FLYWCH1: variants seen among roughly 807,000 people sequenced by gnomAD.
FLYWCH1 encodes the protein FLYWCH-type zinc finger 1.
A neutral mutation model predicts 66.4 loss-of-function variants in FLYWCH1; 75 were observed. The observed-to-expected ratio is 1.13, with a 90% CI of 0.94 to 1.37. FLYWCH1 has a LOEUF of 1.37. Ranked by LOEUF, FLYWCH1 falls within the 40% of genes most tolerant of loss-of-function variation. The pLI, the probability that FLYWCH1 is intolerant of heterozygous loss-of-function variation, is 0.00. For missense variants in FLYWCH1, 1,334 were observed against 1,001.8 expected (o/e 1.33, Z -4.48); for synonymous variants, 595 against 429.9 (o/e 1.38, Z -4.75).
chr16:2,949,316 G>GCTC lies in FLYWCH1; in HGVS notation c.*591_*593dup. On this transcript the variant is annotated 3_prime_UTR_variant, in exon 10 of 10. Coordinates refer to ENST00000253928, the MANE Select transcript of FLYWCH1 (RefSeq NM_001308068.2). ...CGGAGCTGGCCAAACCAGAGGCCTCGCTCCGCACTCCACACTTTCCTTTCT... is the reference window on the plus strand; with the variant it reads ...CGGAGCTGGCCAAACCAGAGGCCTCGCTCCTCCGCACTCCACACTTTCCTTTCT... 1 of 153,102 alleles carries GCTC rather than the reference G, an allele frequency of 6.5e-6. No individual in the cohort carries two copies. The highest frequency in any genetic ancestry group is 1.9e-4 in the East Asian group (1 of 5,186). The allele number at this position is 153,102 out of a possible 1,614,324, so 9.5% of individuals were successfully genotyped here. A position where few individuals can be genotyped will look rare whatever the true frequency, so the allele number is the denominator to read the frequency against.
At position 2,929,905 on chromosome 16, in the gene FLYWCH1, G is replaced by A. The variant is rs376062192; in HGVS notation, c.220G>A (p.Ala74Thr). The change falls in exon 3 of 10, where the codon GCC becomes ACC. Residue 74 changes from alanine to threonine, a missense_variant. Coordinates refer to ENST00000253928, the MANE Select transcript of FLYWCH1 (RefSeq NM_001308068.2). ...CVLSLEMAGPATLASTLQILP... is the reference protein window; with the variant it reads ...CVLSLEMAGPTTLASTLQILP... The stretch of plus-strand genomic sequence containing the variant: ...CCTGTCCCTGGAGATGGCTGGCCCC[G>A]CCACCCTCGCCAGCACCTTGCAGAT... 4.9e-5 allele frequency: 79 copies of A among 1,613,638 alleles called. No individual in the cohort carries two copies. Among genetic ancestry groups the A allele is most frequent in the African/African-American group, 2.8e-4 (21 of 75,022 alleles).
At chr16:2,924,409 C>T (rs1014696035) in intron 2 of FLYWCH1, among the ~76,000 whole-genome samples, 2 of 152,016 alleles carry the variant, frequency 1.3e-5, no homozygotes, top group African/African-American at 4.8e-5. Context: ...GTGTAGCATA[C>T]GACCCATGAT....
intron 2 of FLYWCH1, among the ~76,000 whole-genome samples, chr16:2,914,927 A>AG (rs1203350081): frequency 2.1e-5 from 3 of 145,858 alleles, no homozygotes; most frequent in African/African-American, 7.6e-5. Context: ...AAAAAAAAAA[A>AG]GAAATTTGTA....
intron 9 of FLYWCH1, among the ~76,000 whole-genome samples, chr16:2,940,689 G>T (rs543072795): frequency 6.6e-6 from 1 of 152,078 alleles, no homozygotes; most frequent in Non-Finnish European, 1.5e-5. Context: ...CTCCTGTCTC[G>T]GGTCTCCCGA....
intron 4 of FLYWCH1, among the ~76,000 whole-genome samples, 157 bp downstream of exon 4, chr16:2,931,037 G>A (rs1012283789): frequency 2.0e-5 from 3 of 152,116 alleles, no homozygotes; most frequent in Admixed American, 6.5e-5. Context: ...GGGCACAGTG[G>A]CTCACGCCTA....
At chr16:2,927,655 A>T (rs79087063) in intron 2 of FLYWCH1, among the ~76,000 whole-genome samples, 1 of 152,266 alleles carries the variant, frequency 6.6e-6, no homozygotes. Context: ...CGTCTAAAAA[A>T]GAATTCCCCG....
rs2151041230 is a variant in FLYWCH1 at position 2,949,524 on chromosome 16, G to A, written c.*797G>A. The stretch of plus-strand genomic sequence containing the variant: ...GGGCAGCAAAGGCGTGTCCCCTTCT[G>A]TCAGACAGCTTCACAGAGTGTGGCT... On this transcript the variant is annotated 3_prime_UTR_variant, in exon 10 of 10. Transcript: ENST00000253928. The A allele has an allele frequency of 6.6e-6, 1 of 152,390 alleles. No individual in the cohort carries two copies. The highest frequency in any genetic ancestry group is 1.9e-4 in the East Asian group (1 of 5,174). The allele number at this position is 152,390 out of a possible 1,614,324, so 9.4% of individuals were successfully genotyped here.
Position 2,930,567 on chromosome 16 carries a change from C to A in FLYWCH1, c.483C>A (p.Thr161=), listed in dbSNP as rs1024279233. 1.9e-6 allele frequency: 3 copies of A among 1,556,304 alleles called. No individual in the cohort carries two copies. The Admixed American group carries it at 6.1e-5, about 31-fold the overall frequency. The change falls in exon 4 of 10, where the codon ACC becomes ACA. Residue 161 remains threonine, a synonymous_variant. Transcript: ENST00000253928. The stretch of plus-strand genomic sequence containing the variant: ...TGGGCTGCCGGGGCCGGGCCATCAC[C>A]CGAGGCCTGCGGGCCACAGTGATGC... ...AELGCRGRAI[T]RGLRATVMRG...
rs2070849153 is a variant in FLYWCH1 at position 2,933,388 on chromosome 16, A to C, written c.1055A>C (p.Gln352Pro). Residue 352 changes from glutamine (Q) to proline (P), a missense_variant, in exon 5 of 10, where the codon CAG becomes CCG. Gln to Pro is a moderately conservative substitution (Grantham distance 76). Transcript: ENST00000253928. ...CAGGAGAAGGCCGTGGAGACGCTGC[A>C]GGCTGGGCAGGACGGCCCTGGGAGC... ...RQQEKAVETL[Q>P]AGQDGPGSQV... 4 of 1,601,874 alleles carry C rather than the reference A, an allele frequency of 2.5e-6. No homozygotes were observed. The highest frequency in any genetic ancestry group is 1.7e-5 in the Admixed American group (1 of 57,954).
chr16:2,932,556 C>T (rs1189021277), intron 4 of FLYWCH1, among the ~76,000 whole-genome samples: 3 of 152,250 alleles, frequency 2.0e-5, no homozygotes, highest in South Asian at 4.1e-4. Context: ...GCTCCTGACA[C>T]AGCCTTAAGG....
Position 2,931,198 on chromosome 16 carries a change from G to C in FLYWCH1, c.796+318G>C, listed in dbSNP as rs530967952. 2.0e-5 allele frequency among the ~76,000 whole-genome samples: 3 copies of C among 151,140 alleles called. No homozygotes were observed. In the South Asian group the frequency reaches 6.3e-4, roughly 31 times the overall value. ...CGCACCTGTAATCCCAGCTACTCAGGAGACTGAGGCAGGAGAATCGCTTGA... is the reference window on the plus strand; with the variant it reads ...CGCACCTGTAATCCCAGCTACTCAGCAGACTGAGGCAGGAGAATCGCTTGA... On this transcript the variant is annotated intron_variant, in intron 4 of 9. Transcript: ENST00000253928.
chr16:2,922,522 G>T, intron 2 of FLYWCH1: 1 of 231,356 alleles, frequency 4.3e-6, no homozygotes, highest in Non-Finnish European at 8.6e-6. Flanking sequence ...GTCCCCATAA[G>T]TTTGACTGCC....
intron 9 of FLYWCH1, among the ~76,000 whole-genome samples, chr16:2,947,205 TAAAG>T (rs1296144150): frequency 6.6e-6 from 1 of 152,182 alleles, no homozygotes; most frequent in African/African-American, 2.4e-5. Flanking sequence ...AACACCATCT[TAAAG>T]AAGCCAGTCA....
rs765991051 is a variant in FLYWCH1 at position 2,940,017 on chromosome 16, A to G, written c.2051-15A>G. On this transcript the variant is annotated splice_polypyrimidine_tract_variant and intron_variant, in intron 8 of 9. Transcript: ENST00000253928. ...GAAGAATTATTAATTCATATTTTCA[A>G]TTATTTTTCCACAGAAAAGATTCAA... is the stretch of plus-strand genomic sequence containing the variant. The G allele has an allele frequency of 1.3e-5, 20 of 1,596,440 alleles. No individual in the cohort carries two copies. In the East Asian group the frequency reaches 3.6e-4, roughly 29 times the overall value.
At chr16:2,915,001 TG>T (rs2070119814) in intron 2 of FLYWCH1, among the ~76,000 whole-genome samples, 1 of 147,192 alleles carries the variant, frequency 6.8e-6, no homozygotes, top group African/African-American at 2.5e-5. Context: ...TGTAAAACAA[TG>T]GGTATCTACT....
At chr16:2,924,257 G>A (rs57743397) in intron 2 of FLYWCH1, among the ~76,000 whole-genome samples, 109 of 151,914 alleles carry the variant, frequency 7.2e-4, no homozygotes, top group African/African-American at 2.6e-3. Context: ...GTGAACCCGG[G>A]AGGCGGAGCT....
chr16:2,948,958 G>A lies in FLYWCH1; in HGVS notation c.*231G>A. On this transcript the variant is annotated 3_prime_UTR_variant, in exon 10 of 10. Coordinates refer to ENST00000253928, the MANE Select transcript of FLYWCH1 (RefSeq NM_001308068.2). Reference sequence around the variant, plus strand: ...TGGCGCTTGCAGACGCAGCTGTCGTGGGGCAGGGCGGTGGCGCCTTCCTGA... The same window carrying A: ...TGGCGCTTGCAGACGCAGCTGTCGTAGGGCAGGGCGGTGGCGCCTTCCTGA... The A allele has an allele frequency of 1.8e-6, 1 of 541,408 alleles. No individual in the cohort carries two copies. The highest frequency in any genetic ancestry group is 2.1e-5 in the South Asian group (1 of 48,582). The allele number at this position is 541,408 out of a possible 1,614,324, so 33.5% of individuals were successfully genotyped here. A position where few individuals can be genotyped will look rare whatever the true frequency, so the allele number is the denominator to read the frequency against.
At chr16:2,914,324 C>T (rs950689978) in intron 2 of FLYWCH1, 35 bp downstream of exon 2, 6 of 152,240 alleles carry the variant, frequency 3.9e-5, no homozygotes, top group Admixed American at 2.6e-4. Context: ...CCGACAGAGC[C>T]GCCTGGTTTT....
chr16:2,932,913 C>T (rs1358454325), intron 4 of FLYWCH1, among the ~76,000 whole-genome samples: 2 of 151,708 alleles, frequency 1.3e-5, no homozygotes, highest in African/African-American at 4.8e-5. Flanking sequence ...GCCTCACTGA[C>T]CGCTAGGAGA....
Sources: allele counts gnomAD v4.1 joint callset (sites outside exome capture counted in the v4.1 genomes callset), GRCh38; gene constraint gnomAD v4.1.1; transcripts MANE v1.5; gene names NCBI Gene and HGNC (gene_info 2026-07-23, HGNC 2026-07-21).